The following ENTPD1 variants were observed in gnomAD, a reference collection of about 807,000 sequenced individuals.
ENTPD1 encodes the protein ATP diphosphohydrolase.
Under a neutral mutation model 57.0 loss-of-function variants are expected in ENTPD1, and 33 were observed. The observed-to-expected ratio is 0.58, with a 90% CI of 0.44 to 0.77. ENTPD1 has a LOEUF of 0.77. Ranked by LOEUF, ENTPD1 falls within the 30% of genes least tolerant of loss-of-function variation. ENTPD1 has a pLI of 0.00. For missense variants in ENTPD1, 501 were observed against 603.4 expected (o/e 0.83, Z 1.78); for synonymous variants, 202 against 218.8 (o/e 0.92, Z 0.68).
intron 1 of ENTPD1, among the ~76,000 whole-genome samples, chr10:95,818,468 T>C (rs34296389): frequency 0.11 from 16,198 of 152,108 alleles, 1,050 homozygotes; most frequent in Middle Eastern, 0.22. Context: ...GGAACGTCAA[T>C]TGTGGAAGAT....
intron 1 of ENTPD1, among the ~76,000 whole-genome samples, chr10:95,728,660 A>C (rs1250676915): frequency 2.0e-5 from 3 of 152,166 alleles, no homozygotes; most frequent in Non-Finnish European, 4.4e-5. Context: ...GTGACACACA[A>C]TTTACTGGAA....
rs1566273522 is a variant in ENTPD1 at position 95,873,574 on chromosome 10, G to A, written c.*7191G>A. 1 of 985,410 alleles carries A rather than the reference G, an allele frequency of 1.0e-6. No homozygotes were observed. Among genetic ancestry groups the A allele is most frequent in the Non-Finnish European group, 1.2e-6 (1 of 829,940 alleles). The allele number at this position is 985,410 out of a possible 1,614,324, so 61.0% of individuals were successfully genotyped here. ...CAGCTCACACGCATCCTTTAAAAAT[G>A]GTTTAGAAGTTTAGCTGGTTTCTTA... On this transcript the variant is annotated 3_prime_UTR_variant, in exon 10 of 10. Coordinates refer to ENST00000371205, the MANE Select transcript of ENTPD1 (RefSeq NM_001776.6).
intron 6 of ENTPD1, 89 bp from the exon 7 acceptor site, chr10:95,847,357 T>C (rs2098437668): frequency 2.7e-6 from 4 of 1,488,760 alleles, no homozygotes; most frequent in Non-Finnish European, 2.8e-6. Context: ...TGGGATGTTG[T>C]ACAGTGCCTA....
rs531254718 is a variant in ENTPD1 at position 95,872,003 on chromosome 10, T to C, written c.*5620T>C. ...CCAGTTCCTCCTCCTGTGTTTTACATGATTAATGCCACCCCTGCCTCAATG... is the reference window on the plus strand; with the variant it reads ...CCAGTTCCTCCTCCTGTGTTTTACACGATTAATGCCACCCCTGCCTCAATG... On this transcript the variant is annotated 3_prime_UTR_variant, in exon 10 of 10. Coordinates refer to ENST00000371205, the MANE Select transcript of ENTPD1 (RefSeq NM_001776.6). The C allele has an allele frequency of 1.0e-6, 1 of 985,426 alleles. No homozygotes were observed. The highest frequency in any genetic ancestry group is 4.7e-5 in the South Asian group (1 of 21,284). The allele number at this position is 985,426 out of a possible 1,614,324, so 61.0% of individuals were successfully genotyped here.
chr10:95,807,109 C>T (rs1454440638), intron 1 of ENTPD1, among the ~76,000 whole-genome samples: 2 of 152,210 alleles, frequency 1.3e-5, no homozygotes, highest in East Asian at 3.9e-4. Context: ...CTAAGTCCTG[C>T]CCACAGAGAT....
chr10:95,861,248 C>T (rs890107878), intron 8 of ENTPD1: 1 of 152,816 alleles, frequency 6.5e-6, no homozygotes, highest in Non-Finnish European at 1.5e-5. Context: ...CTCCATTTCC[C>T]AGGTCCAAGA....
At chr10:95,839,442 GCTT>G (rs1226280201) in intron 2 of ENTPD1, 3 of 513,060 alleles carry the variant, frequency 5.8e-6, no homozygotes, top group Non-Finnish European at 1.1e-5. Context: ...AAACAATACT[GCTT>G]CTTGGGCCCT....
intron 7 of ENTPD1, among the ~76,000 whole-genome samples, chr10:95,853,256 G>A (rs1357919715): frequency 1.3e-5 from 2 of 152,172 alleles, no homozygotes; most frequent in African/African-American, 2.4e-5. Flanking sequence ...GTATAAGAAC[G>A]CTTGTGGTTT....
intron 7 of ENTPD1, among the ~76,000 whole-genome samples, chr10:95,850,456 T>C (rs534563154): frequency 3.4e-4 from 52 of 152,298 alleles, no homozygotes; most frequent in African/African-American, 5.1e-4. Flanking sequence ...TCATTGATAG[T>C]TGTGAGTCAG....
chr10:95,869,702 ATGT>A lies in ENTPD1; in HGVS notation c.*3323_*3325del. 1.1e-6 allele frequency: 1 copy of A among 952,082 alleles called. No individual in the cohort carries two copies. Among genetic ancestry groups the A allele is most frequent in the Non-Finnish European group, 1.3e-6 (1 of 799,540 alleles). The allele number at this position is 952,082 out of a possible 1,614,324, so 59.0% of individuals were successfully genotyped here. A position where few individuals can be genotyped will look rare whatever the true frequency, so the allele number is the denominator to read the frequency against. Reference sequence around the variant, plus strand: ...TTTTTTAAAATTACACTTCATTTTAATGTTGTATCAGTCAAGGTCCCTGCAAGA... The same window carrying A: ...TTTTTTAAAATTACACTTCATTTTAATGTATCAGTCAAGGTCCCTGCAAGA... On this transcript the variant is annotated 3_prime_UTR_variant, in exon 10 of 10. Transcript: ENST00000371205.
chr10:95,790,520 T>G (rs1439647303), intron 1 of ENTPD1, among the ~76,000 whole-genome samples: 1 of 152,270 alleles, frequency 6.6e-6, no homozygotes, highest in East Asian at 1.9e-4. Context: ...TGTAGAAAAT[T>G]TCAAACAAAT....
At chr10:95,825,344 C>A (rs2098370842) in intron 2 of ENTPD1, among the ~76,000 whole-genome samples, 1 of 152,172 alleles carries the variant, frequency 6.6e-6, no homozygotes, top group Non-Finnish European at 1.5e-5. Context: ...TATGATAAAA[C>A]ATTTTATAAA....
chr10:95,697,600 C>T, the ENTPD1 span, among the ~76,000 whole-genome samples: 2 of 152,126 alleles, frequency 1.3e-5, no homozygotes, highest in Admixed American at 6.6e-5. Flanking sequence ...GAACTGGTGG[C>T]TTTACAAGAA....
chr10:95,832,249 C>A (rs924810647), intron 2 of ENTPD1, among the ~76,000 whole-genome samples: 2 of 152,122 alleles, frequency 1.3e-5, no homozygotes, highest in African/African-American at 4.8e-5. Context: ...ATCCTAGTTC[C>A]CCACTCTTAC....
chr10:95,779,608 C>G (rs1470472136), intron 1 of ENTPD1, among the ~76,000 whole-genome samples: 3 of 152,074 alleles, frequency 2.0e-5, no homozygotes. Flanking sequence ...TTCTAGGACT[C>G]TGAGCTGCCT....
intron 1 of ENTPD1, among the ~76,000 whole-genome samples, chr10:95,731,485 C>T (rs1206628585): frequency 1.3e-5 from 2 of 152,144 alleles, no homozygotes; most frequent in Non-Finnish European, 1.5e-5. Context: ...AAATACCTGC[C>T]ACTCTCTGCC....
chr10:95,861,235 C>T (rs1179874667), intron 8 of ENTPD1: 1 of 152,926 alleles, frequency 6.5e-6, no homozygotes, highest in Non-Finnish European at 1.5e-5. Context: ...GTGGTAAAAT[C>T]CTCTCCATTT....
rs557527431 is a variant in ENTPD1 at position 95,816,562 on chromosome 10, G to A, written c.17-6675G>A. Among the ~76,000 whole-genome samples, 158 of 152,230 alleles carry A rather than the reference G, an allele frequency of 1.0e-3. 1 individual carries two copies. Among genetic ancestry groups the A allele is most frequent in the Non-Finnish European group, 1.5e-3 (102 of 68,008 alleles). On this transcript the variant is annotated intron_variant, in intron 1 of 9. Coordinates refer to ENST00000371205, the MANE Select transcript of ENTPD1 (RefSeq NM_001776.6). ...CTTATGAGAGAAAGGAGAAGGAAAC[G>A]TGACACAAAGAGCAACAGGGGGAAA...
rs1479854994 is a variant in ENTPD1 at position 95,798,893 on chromosome 10, T to A, written c.17-24344T>A. On this transcript the variant is annotated intron_variant, in intron 1 of 9. Coordinates refer to ENST00000371205, the MANE Select transcript of ENTPD1 (RefSeq NM_001776.6). ...CTTCCTTCTGTGGCTGCACCACTCC[T>A]ACTTCTGTGAATCTGAGCAAATAAG... Among the ~76,000 whole-genome samples, 4 of 152,216 alleles carry A rather than the reference T, an allele frequency of 2.6e-5. No homozygotes were observed. The East Asian group carries it at 7.7e-4, about 29-fold the overall frequency.
Sources: gnomAD v4.1 joint callset for allele counts (sites outside exome capture counted in the v4.1 genomes callset) on GRCh38, gnomAD v4.1.1 for gene constraint, MANE v1.5 for transcripts, NCBI Gene and HGNC (gene_info 2026-07-23, HGNC 2026-07-21) for gene names.